The following IYD variants were observed in gnomAD, a reference collection of about 807,000 sequenced individuals.
The protein encoded by IYD is iodotyrosine deiodinase 1.
Under a neutral mutation model 28.4 loss-of-function variants are expected in IYD, and 25 were observed. The ratio of observed to expected loss-of-function variants is 0.88; its 90% confidence interval spans 0.64 to 1.23. IYD has a LOEUF of 1.23. Among genes scored for constraint, IYD ranks in the 50% most tolerant of loss-of-function variants. The probability of loss-of-function intolerance (pLI) is 0.00; values close to 1 mark genes in which losing one functional copy is unlikely to be tolerated. For missense variants in IYD, 352 were observed against 357.9 expected, an observed-to-expected ratio of 0.98 and a Z score of 0.13; for synonymous variants, 140 against 130.8, an observed-to-expected ratio of 1.07 and a Z score of -0.48.
chr6:150,388,150 T>C (rs888261631), intron 1 of IYD, among the ~76,000 whole-genome samples: 3 of 152,250 alleles, frequency 2.0e-5, no homozygotes, highest in African/African-American at 7.2e-5. Context: ...AGGACAAGTT[T>C]ATTCCAAGTT....
At chr6:150,369,401 G>A (rs1426430376) in intron 1 of IYD, among the ~76,000 whole-genome samples, 192 bp downstream of exon 1, 1 of 152,152 alleles carries the variant, frequency 6.6e-6, no homozygotes, top group Non-Finnish European at 1.5e-5. Context: ...GTCACCTGCT[G>A]GGACCAACCC....
intron 1 of IYD, among the ~76,000 whole-genome samples, chr6:150,377,572 T>G (rs1355422791): frequency 1.3e-5 from 2 of 152,198 alleles, no homozygotes; most frequent in Non-Finnish European, 2.9e-5. Context: ...GGGATAATGG[T>G]TAGCACTGAT....
intron 3 of IYD, 71 bp downstream of exon 3, chr6:150,392,575 C>T: frequency 6.7e-7 from 1 of 1,488,624 alleles, no homozygotes; most frequent in Non-Finnish European, 9.3e-7. Flanking sequence ...ACCACCATGT[C>T]CTGGCTTTGT....
At chr6:150,393,005 G>C (rs74972795) in intron 3 of IYD, among the ~76,000 whole-genome samples, 1 of 152,100 alleles carries the variant, frequency 6.6e-6, no homozygotes, top group Non-Finnish European at 1.5e-5. Context: ...TGCTCCGGGC[G>C]CCGAAGCACA....
At chr6:150,387,158 C>A (rs939730366) in intron 1 of IYD, among the ~76,000 whole-genome samples, 1 of 152,114 alleles carries the variant, frequency 6.6e-6, no homozygotes, top group African/African-American at 2.4e-5. Context: ...AGTTTTGCAA[C>A]TAACGCAGCC....
intron 3 of IYD, among the ~76,000 whole-genome samples, chr6:150,393,573 TC>T (rs1453827952): frequency 1.3e-5 from 2 of 152,228 alleles, no homozygotes; most frequent in African/African-American, 4.8e-5. Flanking sequence ...TGACTCTCTG[TC>T]CTTTGACTAT....
chr6:150,380,164 T>C (rs1777596309), intron 1 of IYD, among the ~76,000 whole-genome samples: 1 of 152,204 alleles, frequency 6.6e-6, no homozygotes, highest in South Asian at 2.1e-4. Context: ...AGGAAGATTT[T>C]GAGAACTTTA....
intron 1 of IYD, among the ~76,000 whole-genome samples, chr6:150,382,628 A>G (rs953613140): frequency 3.3e-5 from 5 of 152,110 alleles, no homozygotes; most frequent in African/African-American, 1.2e-4. Context: ...TGTCTTTTAC[A>G]TTCTCACCTA....
rs1179171797 is a variant in IYD at position 150,369,157 on chromosome 6, C to T, written c.126C>T (p.Pro42=). The T allele has an allele frequency of 1.2e-6, 2 of 1,613,856 alleles. No homozygotes were observed. Among genetic ancestry groups the T allele is most frequent in the African/African-American group, 1.3e-5 (1 of 74,976 alleles). The change falls in exon 1 of 5, where the codon CCC becomes CCT. Residue 42 remains proline, a synonymous_variant. Transcript: ENST00000344419. ...GEPRTRAEAR[P]WVDEDLKDSS... is the part of the protein sequence containing the mutation. The stretch of plus-strand genomic sequence containing the variant: ...CTAGAACCAGGGCCGAAGCTCGCCC[C>T]TGGGTGGATGAAGACTTAAAAGACA...
intron 4 of IYD, 31 bp downstream of exon 4, chr6:150,394,286 G>A (rs773528959): frequency 1.7e-4 from 282 of 1,612,948 alleles, no homozygotes; most frequent in Non-Finnish European, 2.3e-4. Flanking sequence ...TTACAGGGTG[G>A]CCTTATTAGA....
intron 1 of IYD, among the ~76,000 whole-genome samples, chr6:150,372,267 G>T (rs1257849845): frequency 6.6e-6 from 1 of 150,988 alleles, no homozygotes; most frequent in Non-Finnish European, 1.5e-5. Context: ...TGGGTGGGTT[G>T]TGGGGTGGTG....
At chr6:150,396,479 T>G (rs1007301840) in intron 4 of IYD, 2 of 699,814 alleles carry the variant, frequency 2.9e-6, no homozygotes, top group South Asian at 3.0e-5. Flanking sequence ...AGGTTTCTAC[T>G]GCTAGAGACA....
chr6:150,370,994 T>C (rs1403556900), intron 1 of IYD, among the ~76,000 whole-genome samples: 12 of 152,024 alleles, frequency 7.9e-5, no homozygotes, highest in Non-Finnish European at 1.6e-4. Context: ...GTCACCAGTA[T>C]GGGGAAGATA....
At chr6:150,376,665 G>A (rs1479670698) in intron 1 of IYD, among the ~76,000 whole-genome samples, 1 of 151,948 alleles carries the variant, frequency 6.6e-6, no homozygotes, top group East Asian at 1.9e-4. Flanking sequence ...TTGCTTTGTT[G>A]CCCAGGCTGG....
chr6:150,400,540 T>A lies in IYD; in HGVS notation c.*2303T>A, dbSNP rs1169594403. 2.0e-5 allele frequency: 3 copies of A among 152,184 alleles called. No individual in the cohort carries two copies. In the East Asian group the frequency reaches 5.8e-4, roughly 29 times the overall value. The allele number at this position is 152,184 out of a possible 1,614,324, so 9.4% of individuals were successfully genotyped here. A position where few individuals can be genotyped will look rare whatever the true frequency, so the allele number is the denominator to read the frequency against. On this transcript the variant is annotated 3_prime_UTR_variant, in exon 5 of 5. Transcript: ENST00000344419. The stretch of plus-strand genomic sequence containing the variant: ...TTCAGTTTACAGTAAATACAGAGGA[T>A]AAAGAAGTTAATGGCATGGTGGAAT...
At chr6:150,374,881 T>G (rs1043251867) in intron 1 of IYD, among the ~76,000 whole-genome samples, 2 of 152,122 alleles carry the variant, frequency 1.3e-5, no homozygotes, top group South Asian at 4.2e-4. Flanking sequence ...GGTCAGGAAA[T>G]TCTTCCTAGA....
intron 3 of IYD, among the ~76,000 whole-genome samples, chr6:150,393,668 T>C (rs1051109056): frequency 6.6e-6 from 1 of 152,178 alleles, no homozygotes; most frequent in Non-Finnish European, 1.5e-5. Context: ...AAAACAAAAA[T>C]TCAGTTCTGC....
In IYD at chr6:150,399,824, A is replaced by G. The variant is rs1267543280; in HGVS notation, c.*1587A>G. Reference sequence around the variant, plus strand: ...TTAGAGCCTCTGGCATGCCTTTTATAAGGGTACTAATCCCATCATGAGGCC... The same window carrying G: ...TTAGAGCCTCTGGCATGCCTTTTATGAGGGTACTAATCCCATCATGAGGCC... On this transcript the variant is annotated 3_prime_UTR_variant, in exon 5 of 5. Coordinates refer to ENST00000344419, the MANE Select transcript of IYD (RefSeq NM_203395.3). 6.6e-6 allele frequency: 1 copy of G among 152,098 alleles called. No homozygotes were observed. The highest frequency in any genetic ancestry group is 1.5e-5 in the Non-Finnish European group (1 of 68,064). The allele number at this position is 152,098 out of a possible 1,614,324, so 9.4% of individuals were successfully genotyped here.
intron 3 of IYD, among the ~76,000 whole-genome samples, chr6:150,393,133 C>G (rs1405077999): frequency 6.6e-6 from 1 of 152,194 alleles, no homozygotes; most frequent in Non-Finnish European, 1.5e-5. Flanking sequence ...TGATGCTTGG[C>G]TTTAAGCCAC....
Sources: allele counts gnomAD v4.1 joint callset (sites outside exome capture counted in the v4.1 genomes callset), GRCh38; gene constraint gnomAD v4.1.1; transcripts MANE v1.5; gene names NCBI Gene and HGNC (gene_info 2026-07-23, HGNC 2026-07-21).